FGD4: variants seen among roughly 807,000 people sequenced by gnomAD.
FGD4 encodes FYVE, RhoGEF and PH domain-containing protein 4.
Under a neutral mutation model 102.0 loss-of-function variants are expected in FGD4, and 42 were observed. That is an observed-to-expected ratio of 0.41 (90% CI 0.32 to 0.53). The LOEUF (loss-of-function observed/expected upper bound fraction) is 0.53. Ranked by LOEUF, FGD4 falls within the 20% of genes least tolerant of loss-of-function variation. The pLI is 0.21. For synonymous variants in FGD4, 380 were observed against 375.7 expected, an observed-to-expected ratio of 1.01 and a Z score of -0.13; for missense variants, 902 against 1,078.2, an observed-to-expected ratio of 0.84 and a Z score of 2.29.
intron 5 of FGD4, chr12:32,600,385 T>G (rs890321083): frequency 3.5e-6 from 4 of 1,134,446 alleles, no homozygotes; most frequent in Non-Finnish European, 4.7e-6. Flanking sequence ...AAGGACATAA[T>G]TTTTTGTTCT....
intron 1 of FGD4, among the ~76,000 whole-genome samples, chr12:32,437,108 CAAAA>C (rs5797478): frequency 4.6e-5 from 5 of 108,058 alleles, no homozygotes; most frequent in Non-Finnish European, 8.1e-5. Flanking sequence ...GACTCCATGT[CAAAA>C]AAAAAAAAAA....
rs995402312 is a variant in FGD4, at chr12:32,642,872, A to T, written c.*2339A>T. 1 of 152,532 alleles carries T rather than the reference A, an allele frequency of 6.6e-6. No homozygotes were observed. Among genetic ancestry groups the T allele is most frequent in the Non-Finnish European group, 1.5e-5 (1 of 67,948 alleles). The allele number at this position is 152,532 out of a possible 1,614,324, so 9.4% of individuals were successfully genotyped here. ...AGTAATACCCTTAGCCATTTATTAA[A>T]CAATTCAACCAAGAGACCTCAAAGT... On this transcript the variant is annotated 3_prime_UTR_variant, in exon 17 of 17. Transcript: ENST00000534526.
At chr12:32,538,914 C>T (rs1477049552) in intron 1 of FGD4, among the ~76,000 whole-genome samples, 1 of 152,002 alleles carries the variant, frequency 6.6e-6, no homozygotes, top group Non-Finnish European at 1.5e-5. Context: ...ATCAGCTGGG[C>T]GTGGTGGCAC....
intron 1 of FGD4, among the ~76,000 whole-genome samples, chr12:32,454,758 A>G (rs556403910): frequency 9.5e-4 from 145 of 152,286 alleles, no homozygotes; most frequent in Admixed American, 1.6e-3. Context: ...TTTTGCTGGT[A>G]TCTTAAATTG....
intron 1 of FGD4, among the ~76,000 whole-genome samples, chr12:32,520,436 T>TG (rs1340981875): frequency 4.4e-4 from 41 of 94,018 alleles, no homozygotes; most frequent in African/African-American, 1.7e-3. Context: ...TTTTTTTGTT[T>TG]TTTGTTTTTT....
intron 1 of FGD4, among the ~76,000 whole-genome samples, chr12:32,497,047 C>T (rs1025773400): frequency 1.3e-5 from 2 of 152,030 alleles, no homozygotes; most frequent in Non-Finnish European, 2.9e-5. Flanking sequence ...GATGGTTGGA[C>T]TTGAATAGAA....
At chr12:32,513,955 C>T (rs1388210160) in intron 1 of FGD4, among the ~76,000 whole-genome samples, 1 of 152,158 alleles carries the variant, frequency 6.6e-6, no homozygotes, top group Non-Finnish European at 1.5e-5. Context: ...GTCTGATAAA[C>T]AGTATTAGTT....
Position 32,625,674 on chromosome 12 carries a change from A to G in FGD4, c.2067A>G (p.Arg689=), listed in dbSNP as rs1488014686. Residue 689 remains arginine (R), a synonymous_variant, in exon 14 of 17, where the codon AGA becomes AGG. Coordinates refer to ENST00000534526, the MANE Select transcript of FGD4 (RefSeq NM_001370298.3). ...TTTAGACTGCTGAGCTAGGGAAAAGAGCCCCAAGATGGATCCGAGATAATG... is the reference window on the plus strand; with the variant it reads ...TTTAGACTGCTGAGCTAGGGAAAAGGGCCCCAAGATGGATCCGAGATAATG... ...SEVSTAELGK[R]APRWIRDNEV... The G allele has an allele frequency of 3.1e-6, 5 of 1,613,982 alleles. No individual in the cohort carries two copies. Among genetic ancestry groups the G allele is most frequent in the Non-Finnish European group, 4.2e-6 (5 of 1,180,012 alleles).
intron 1 of FGD4, among the ~76,000 whole-genome samples, chr12:32,546,713 T>C (rs1039291330): frequency 1.3e-5 from 2 of 152,140 alleles, no homozygotes; most frequent in African/African-American, 4.8e-5. Context: ...GCCCACTGGT[T>C]TCCAAAGAGA....
chr12:32,564,080 G>C, intron 1 of FGD4, 57 bp from the exon 2 acceptor site: 1 of 1,480,592 alleles, frequency 6.8e-7, no homozygotes, highest in South Asian at 1.3e-5. Flanking sequence ...TAACTTATAA[G>C]GCAGTATTGT....
At chr12:32,584,440 C>T (rs1358707955) in intron 4 of FGD4, among the ~76,000 whole-genome samples, 1 of 152,084 alleles carries the variant, frequency 6.6e-6, no homozygotes, top group Non-Finnish European at 1.5e-5. Context: ...ATATAGTGGA[C>T]CACACAATTA....
chr12:32,510,257 T>C (rs1274862538), intron 1 of FGD4, among the ~76,000 whole-genome samples: 1 of 152,192 alleles, frequency 6.6e-6, no homozygotes, highest in Admixed American at 6.5e-5. Flanking sequence ...GCTAAATAAA[T>C]TACTGTGCAT....
At chr12:32,591,181 TTATC>T (rs990503508) in intron 4 of FGD4, among the ~76,000 whole-genome samples, 2 of 152,256 alleles carry the variant, frequency 1.3e-5, no homozygotes, top group East Asian at 1.9e-4. Flanking sequence ...AAGAATATAA[TTATC>T]TAACTGACAG....
At chr12:32,609,735 G>A (rs1312181589) in intron 8 of FGD4, among the ~76,000 whole-genome samples, 5 of 152,166 alleles carry the variant, frequency 3.3e-5, no homozygotes, top group Admixed American at 6.6e-5. Context: ...GCAACAAAAT[G>A]CATTCTGTCC....
At chr12:32,578,417 G>T (rs1480385879) in intron 3 of FGD4, among the ~76,000 whole-genome samples, 2 of 152,070 alleles carry the variant, frequency 1.3e-5, no homozygotes, top group African/African-American at 2.4e-5. Flanking sequence ...TTCCTTATGA[G>T]AGCTTAGACT....
intron 1 of FGD4, among the ~76,000 whole-genome samples, chr12:32,528,129 G>A (rs1256290421): frequency 1.3e-5 from 2 of 151,912 alleles, no homozygotes; most frequent in African/African-American, 2.4e-5. Flanking sequence ...AGTAGAGAGG[G>A]TTTCACCATG....
In FGD4 at chr12:32,581,946, A is replaced by G; in HGVS notation, c.504-14A>G. ...ACCAATGTTTTCATGCTTCCTTTGTATTTTATCTTTTAGCTCATTATCAAA... is the reference window on the plus strand; with the variant it reads ...ACCAATGTTTTCATGCTTCCTTTGTGTTTTATCTTTTAGCTCATTATCAAA... On this transcript the variant is annotated splice_polypyrimidine_tract_variant and intron_variant, in intron 3 of 16. Coordinates refer to ENST00000534526, the MANE Select transcript of FGD4 (RefSeq NM_001370298.3). 6.2e-7 allele frequency: 1 copy of G among 1,613,738 alleles called. No individual in the cohort carries two copies. The highest frequency in any genetic ancestry group is 8.5e-7 in the Non-Finnish European group (1 of 1,179,768).
At position 32,520,425 on chromosome 12, in the gene FGD4, G is replaced by GTTTTTT. The variant is rs572548423; in HGVS notation, c.167-43710_167-43705dup. ...TGCCCTATTTTAAGTTCTATTGTGGGTTTTTTTGTTTTTTGTTTTTTTTTT... is the reference window on the plus strand; with the variant it reads ...TGCCCTATTTTAAGTTCTATTGTGGGTTTTTTTTTTTTTGTTTTTTGTTTTTTTTTT... On this transcript the variant is annotated intron_variant, in intron 1 of 16. Coordinates refer to ENST00000534526, the MANE Select transcript of FGD4 (RefSeq NM_001370298.3). Among the ~76,000 whole-genome samples, 1,019 of 110,926 alleles carry GTTTTTT rather than the reference G, an allele frequency of 9.2e-3. 16 individuals are homozygous for GTTTTTT. The highest frequency in any genetic ancestry group is 0.015 in the South Asian group (58 of 3,750). 72.8% of individuals were successfully genotyped at this position (110,926 alleles called of 152,430 possible).
intron 1 of FGD4, among the ~76,000 whole-genome samples, chr12:32,473,278 T>C (rs1943476425): frequency 6.6e-6 from 1 of 151,932 alleles, no homozygotes; most frequent in South Asian, 2.1e-4. Flanking sequence ...TGTGGAAGTT[T>C]TGTTCTTTTG....
Sources: gnomAD v4.1 joint callset for allele counts (sites outside exome capture counted in the v4.1 genomes callset) on GRCh38, gnomAD v4.1.1 for gene constraint, MANE v1.5 for transcripts, NCBI Gene and HGNC (gene_info 2026-07-23, HGNC 2026-07-21) for gene names.